Variants in FARP1 observed in about 807,000 individuals in gnomAD.
FARP1 encodes the protein FERM, ARHGEF and pleckstrin domain-containing protein 1.
A neutral mutation model predicts 128.8 loss-of-function variants in FARP1; 52 were observed. That is an observed-to-expected ratio of 0.40 (90% CI 0.32 to 0.51). FARP1 has a LOEUF of 0.51. FARP1 is among the 20% of genes least tolerant of loss of function. The probability of loss-of-function intolerance (pLI) is 0.45; values close to 1 mark genes in which losing one functional copy is unlikely to be tolerated. For missense variants in FARP1, 1,333 were observed against 1,367.9 expected (o/e 0.97, Z 0.40); for synonymous variants, 580 against 551.8 (o/e 1.05, Z -0.72).
intron 1 of FARP1, among the ~76,000 whole-genome samples, chr13:98,160,867 T>G (rs1313461377): frequency 6.6e-6 from 1 of 151,904 alleles, no homozygotes; most frequent in Non-Finnish European, 1.5e-5. Flanking sequence ...TTAGTAGAGA[T>G]AGGGTTTTGC....
In FARP1 at chr13:98,401,832, A is replaced by T. The variant is rs899118326; in HGVS notation, c.1414+6356A>T. ...TTTTCCTGAAAGCTTTAAACATTGA[A>T]TAGACTCTGATTTATTCAGGATCAT... On this transcript the variant is annotated intron_variant, in intron 13 of 26. Transcript: ENST00000319562. The T allele has an allele frequency of 5.3e-5, 8 of 152,292 alleles. 1 individual carries two copies. Among genetic ancestry groups the T allele is most frequent in the East Asian group, 1.9e-4 (1 of 5,184 alleles). The allele number at this position is 152,292 out of a possible 1,614,324, so 9.4% of individuals were successfully genotyped here.
chr13:98,392,326 A>ACC (rs1566947224), intron 11 of FARP1, among the ~76,000 whole-genome samples: 24 of 124,560 alleles, frequency 1.9e-4, no homozygotes, highest in Admixed American at 1.3e-3. Context: ...CTCTACCCAA[A>ACC]AAAAAAAAAA....
intron 13 of FARP1, chr13:98,396,923 C>T (rs1443440746): frequency 6.5e-6 from 1 of 154,482 alleles, no homozygotes; most frequent in Non-Finnish European, 1.4e-5. Context: ...AAGGGTTTCC[C>T]ATTCTCCCCT....
chr13:98,450,882 G>GT lies in FARP1; in HGVS notation c.*2566dup, dbSNP rs1318209712. On this transcript the variant is annotated 3_prime_UTR_variant, in exon 27 of 27. Transcript: ENST00000319562. ...GGCTGATTTTGTGCGTCTACAGAAAGTAACAGCCCAGGAGAGAATGTACAC... is the reference window on the plus strand; with the variant it reads ...GGCTGATTTTGTGCGTCTACAGAAAGTTAACAGCCCAGGAGAGAATGTACAC... 2 of 152,188 alleles carry GT rather than the reference G, an allele frequency of 1.3e-5. No homozygotes were observed. The highest frequency in any genetic ancestry group is 6.5e-5 in the Admixed American group (1 of 15,282). The allele number at this position is 152,188 out of a possible 1,614,324, so 9.4% of individuals were successfully genotyped here. A position where few individuals can be genotyped will look rare whatever the true frequency, so the allele number is the denominator to read the frequency against.
In FARP1 at chr13:98,448,469, A is replaced by G. The variant is rs1177808818; in HGVS notation, c.*152A>G. On this transcript the variant is annotated 3_prime_UTR_variant, in exon 27 of 27. Coordinates refer to ENST00000319562, the MANE Select transcript of FARP1 (RefSeq NM_005766.4). ...CCTGTCTCCACAGCCGCGTTTTTTAACCCCGACCTCTCAGCGTCTGAATGA... is the reference window on the plus strand; with the variant it reads ...CCTGTCTCCACAGCCGCGTTTTTTAGCCCCGACCTCTCAGCGTCTGAATGA... 2 of 637,862 alleles carry G rather than the reference A, an allele frequency of 3.1e-6. No homozygotes were observed. Among genetic ancestry groups the G allele is most frequent in the Non-Finnish European group, 5.6e-6 (2 of 357,374 alleles). 39.5% of individuals were successfully genotyped at this position (637,862 alleles called of 1,614,324 possible).
chr13:98,251,934 G>A (rs896523276), intron 2 of FARP1, among the ~76,000 whole-genome samples: 4 of 152,132 alleles, frequency 2.6e-5, no homozygotes, highest in African/African-American at 9.7e-5. Context: ...TGCAGTCTCC[G>A]CCTCCTGGGT....
intron 1 of FARP1, among the ~76,000 whole-genome samples, chr13:98,184,367 C>T (rs1359699186): frequency 1.3e-5 from 2 of 152,202 alleles, no homozygotes; most frequent in African/African-American, 4.8e-5. Flanking sequence ...ATCCACCTGC[C>T]TCCCAAAGTG....
chr13:98,285,164 A>G (rs565415758), intron 2 of FARP1, among the ~76,000 whole-genome samples: 59 of 152,314 alleles, frequency 3.9e-4, no homozygotes, highest in African/African-American at 1.4e-3. Context: ...AACAATGTGC[A>G]TGTCCCCTTA....
At chr13:98,337,951 G>A (rs943302900) in intron 2 of FARP1, among the ~76,000 whole-genome samples, 1 of 152,032 alleles carries the variant, frequency 6.6e-6, no homozygotes, top group Non-Finnish European at 1.5e-5. Context: ...ATGTGATAAG[G>A]TCCTACCTCA....
chr13:98,151,199 G>A (rs1875972793), intron 1 of FARP1, among the ~76,000 whole-genome samples: 1 of 152,048 alleles, frequency 6.6e-6, no homozygotes, highest in Non-Finnish European at 1.5e-5. Flanking sequence ...ACAGTGTATT[G>A]TCCCTCCGTT....
intron 2 of FARP1, among the ~76,000 whole-genome samples, chr13:98,341,232 C>T (rs1887960885): frequency 6.6e-6 from 1 of 152,030 alleles, no homozygotes. Flanking sequence ...ATGGACATGT[C>T]CATCCGTGTA....
intron 2 of FARP1, among the ~76,000 whole-genome samples, chr13:98,266,579 C>T (rs1294291967): frequency 2.6e-5 from 4 of 152,154 alleles, no homozygotes; most frequent in Non-Finnish European, 5.9e-5. Context: ...TTGGTCTGAA[C>T]TACTCTTTGG....
At position 98,387,133 on chromosome 13, in the gene FARP1, T is replaced by C. The variant is rs1162659615; in HGVS notation, c.760-1250T>C. ...CTGGTCAACATGGTGAAACCCCGTC[T>C]CTACTAAAAATACAAAAATTAGCTG... On this transcript the variant is annotated intron_variant, in intron 8 of 26. Transcript: ENST00000319562. Among the ~76,000 whole-genome samples the C allele has an allele frequency of 2.0e-5, 3 of 152,066 alleles. No homozygotes were observed. The East Asian group carries it at 5.8e-4, about 29-fold the overall frequency.
chr13:98,320,341 G>C lies in FARP1; in HGVS notation c.172-23421G>C, dbSNP rs73559032. ...ACAATCTGGATGTGCGTGTCTTGCT[G>C]CCAGGTATTCGTACTATTATAGTTT... On this transcript the variant is annotated intron_variant, in intron 2 of 26. Transcript: ENST00000319562. Among the ~76,000 whole-genome samples the C allele has an allele frequency of 2.4e-3, 359 of 152,286 alleles. 2 individuals are homozygous for C. The highest frequency in any genetic ancestry group is 7.9e-3 in the African/African-American group (329 of 41,562).
intron 1 of FARP1, among the ~76,000 whole-genome samples, chr13:98,154,607 A>C (rs547200): frequency 0.95 from 144,635 of 152,218 alleles, 69,158 homozygotes; most frequent in East Asian, 1. Flanking sequence ...CCTGTAGGTG[A>C]TTATCTCAAA....
At chr13:98,311,835 T>G (rs976864265) in intron 2 of FARP1, among the ~76,000 whole-genome samples, 4 of 141,902 alleles carry the variant, frequency 2.8e-5, no homozygotes, top group Non-Finnish European at 4.6e-5. Flanking sequence ...TCGTTTTGTT[T>G]TTTTTTGTTG....
At chr13:98,195,560 G>A (rs1205386149) in intron 1 of FARP1, among the ~76,000 whole-genome samples, 6 of 152,140 alleles carry the variant, frequency 3.9e-5, no homozygotes, top group African/African-American at 7.2e-5. Context: ...TTGTTGGAGC[G>A]CCTTTCTGAT....
At position 98,446,806 on chromosome 13, in the gene FARP1, C is replaced by A; in HGVS notation, c.3045C>A (p.Tyr1015Ter). 1 of 1,614,130 alleles carries A rather than the reference C, an allele frequency of 6.2e-7. No homozygotes were observed. The highest frequency in any genetic ancestry group is 8.5e-7 in the Non-Finnish European group (1 of 1,180,002). ...ACTACTTCAGGGCGGAAAGCGAGTA[C>A]ACGTTCGAAAGGTAGACACCCCCTT... The part of the protein sequence containing the change: ...HVYYFRAESE[Y>*]TFERWMEVIR... The change falls in exon 26 of 27, where the codon TAC becomes TAA. Residue 1015 changes from tyrosine to a stop codon, truncating the protein, a stop_gained. Coordinates refer to ENST00000319562, the MANE Select transcript of FARP1 (RefSeq NM_005766.4). LOFTEE classifies it high-confidence loss of function.
intron 3 of FARP1, among the ~76,000 whole-genome samples, chr13:98,359,717 C>CG (rs1888787034): frequency 6.6e-6 from 1 of 152,140 alleles, no homozygotes; most frequent in Non-Finnish European, 1.5e-5. Flanking sequence ...GCACAGTAAG[C>CG]GGTTGTGCAG....
Sources: gnomAD v4.1 joint callset for allele counts (sites outside exome capture counted in the v4.1 genomes callset) on GRCh38, gnomAD v4.1.1 for gene constraint, MANE v1.5 for transcripts, NCBI Gene and HGNC (gene_info 2026-07-23, HGNC 2026-07-21) for gene names.